The following TEC variants were observed in gnomAD, a reference collection of about 807,000 sequenced individuals.
TEC encodes tec protein tyrosine kinase, also known as tyrosine-protein kinase Tec.
A neutral mutation model predicts 93.0 loss-of-function variants in TEC; 72 were observed. That is an observed-to-expected ratio of 0.77 (90% CI 0.64 to 0.94). The LOEUF (loss-of-function observed/expected upper bound fraction) is 0.94. Ranked by LOEUF, TEC falls within the 40% of genes least tolerant of loss-of-function variation. The pLI, the probability that TEC is intolerant of heterozygous loss-of-function variation, is 0.00. For missense variants in TEC, 630 were observed against 757.9 expected, an observed-to-expected ratio of 0.83 and a Z score of 1.98; for synonymous variants, 249 against 247.7, an observed-to-expected ratio of 1.01 and a Z score of -0.05.
chr4:48,145,453 C>A lies in TEC; in HGVS notation c.1208G>T (p.Gly403Val). The change falls in exon 13 of 18, where the codon GGT becomes GTT. Residue 403 changes from glycine (G) to valine (V), a missense_variant. This residue lies in a region of TEC where 289 missense variants were observed against 390.0 expected (regional missense o/e 0.74). Coordinates refer to ENST00000381501, the MANE Select transcript of TEC (RefSeq NM_003215.3). ...YKVAIKAIREGAMCEEDFIEE... is the reference protein window; with the variant it reads ...YKVAIKAIREVAMCEEDFIEE... ...TATAAAGTCCTCCTCGCACATTGCA[C>A]CTTCCCGAATAGCTTTGATTGCGAC... 1 of 1,614,172 alleles carries A rather than the reference C, an allele frequency of 6.2e-7. No homozygotes were observed. Among genetic ancestry groups the A allele is most frequent in the Non-Finnish European group, 8.5e-7 (1 of 1,180,020 alleles).
intron 1 of TEC, among the ~76,000 whole-genome samples, chr4:48,265,090 GA>G (rs539378945): frequency 4.2e-4 from 64 of 151,974 alleles, no homozygotes; most frequent in African/African-American, 1.5e-3. Context: ...GTGCAGGAAG[GA>G]AAAAAAGTTG....
intron 2 of TEC, among the ~76,000 whole-genome samples, chr4:48,196,849 C>T (rs1327503698): frequency 1.3e-5 from 2 of 152,172 alleles, no homozygotes; most frequent in Non-Finnish European, 2.9e-5. Flanking sequence ...TTTAAAATGA[C>T]GGTTGATGCT....
chr4:48,236,355 C>T (rs556599901), intron 1 of TEC, among the ~76,000 whole-genome samples: 1 of 152,030 alleles, frequency 6.6e-6, no homozygotes, highest in African/African-American at 2.4e-5. Context: ...AATCTCGGCT[C>T]ATGGCAAGCT....
At chr4:48,225,720 CTT>C (rs1192031882) in intron 2 of TEC, among the ~76,000 whole-genome samples, 1 of 143,288 alleles carries the variant, frequency 7.0e-6, no homozygotes, top group Non-Finnish European at 1.5e-5. Context: ...CTTTTTTTTT[CTT>C]TTTTTTTTAC....
intron 2 of TEC, among the ~76,000 whole-genome samples, chr4:48,185,876 G>C (rs137873632): frequency 0.024 from 2,965 of 121,156 alleles, 40 homozygotes; most frequent in Admixed American, 0.033. Context: ...CCCTCTCACC[G>C]GTCTCCCTCT....
At chr4:48,186,708 C>CG (rs1308174050) in intron 2 of TEC, among the ~76,000 whole-genome samples, 4 of 151,852 alleles carry the variant, frequency 2.6e-5, no homozygotes, top group African/African-American at 9.7e-5. Context: ...GCAGCCGCCC[C>CG]GTCCAGGAGG....
In TEC at chr4:48,179,351, TATATATATATATATATATATATA is replaced by T. The variant is rs1560393031; in HGVS notation, c.139-3188_139-3166del. The stretch of plus-strand genomic sequence containing the variant: ...ATGACGTGGGTAGTATATATATATA[TATATATATATATATATATATATA>T]TATTTTTTTTTTTTTTTTTTTTTTT... On this transcript the variant is annotated intron_variant, in intron 2 of 17. Transcript: ENST00000381501. Among the ~76,000 whole-genome samples the T allele has an allele frequency of 7.3e-3, 302 of 41,120 alleles. 8 individuals are homozygous for T. The highest frequency in any genetic ancestry group is 0.013 in the South Asian group (16 of 1,272). 27.0% of individuals were successfully genotyped at this position (41,120 alleles called of 152,430 possible).
At chr4:48,179,292 T>C (rs1721459408) in intron 2 of TEC, among the ~76,000 whole-genome samples, 1 of 144,068 alleles carries the variant, frequency 6.9e-6, no homozygotes, top group African/African-American at 2.6e-5. Context: ...CCAAGTTTAC[T>C]TGTGGAACAG....
At chr4:48,155,333 A>C (rs1720352124) in intron 9 of TEC, among the ~76,000 whole-genome samples, 1 of 152,226 alleles carries the variant, frequency 6.6e-6, no homozygotes, top group Non-Finnish European at 1.5e-5. Flanking sequence ...GCCCAAGCTC[A>C]TAGCGTAGAG....
Position 48,150,948 on chromosome 4 carries a change from A to G in TEC, c.793-6T>C. The G allele has an allele frequency of 6.4e-7, 1 of 1,570,238 alleles. No individual in the cohort carries two copies. ...ATAAAACCACCTTCTTTATCCTAAA[A>G]TCCAAGTTCAGAAAAAATTTTTTTT... On this transcript the variant is annotated splice_region_variant and splice_polypyrimidine_tract_variant and intron_variant, in intron 9 of 17. Coordinates refer to ENST00000381501, the MANE Select transcript of TEC (RefSeq NM_003215.3).
At chr4:48,149,068 C>T (rs1310179225) in intron 11 of TEC, among the ~76,000 whole-genome samples, 1 of 152,158 alleles carries the variant, frequency 6.6e-6, no homozygotes, top group Non-Finnish European at 1.5e-5. Context: ...TTTATCCTGT[C>T]TATCACTGAT....
chr4:48,207,973 C>A (rs1722772253), intron 2 of TEC, among the ~76,000 whole-genome samples: 1 of 151,962 alleles, frequency 6.6e-6, no homozygotes, highest in Non-Finnish European at 1.5e-5. Context: ...GAAAGAAGAC[C>A]AAGGCAAACA....
chr4:48,269,310 A>G (rs1451895013), intron 1 of TEC, among the ~76,000 whole-genome samples: 1 of 152,224 alleles, frequency 6.6e-6, no homozygotes, highest in African/African-American at 2.4e-5. Context: ...TACATTAGGT[A>G]TATCTATCTC....
At chr4:48,155,380 G>T (rs1319405222) in intron 9 of TEC, among the ~76,000 whole-genome samples, 2 of 152,188 alleles carry the variant, frequency 1.3e-5, no homozygotes, top group Non-Finnish European at 2.9e-5. Context: ...TTTTCTACTT[G>T]ATAGTCTTTT....
chr4:48,168,453 G>A (rs1720964869), intron 6 of TEC, 133 bp downstream of exon 6: 1 of 895,558 alleles, frequency 1.1e-6, no homozygotes, highest in Non-Finnish European at 1.7e-6. Context: ...CTGCTTCTGA[G>A]ACGATCCTAG....
intron 1 of TEC, among the ~76,000 whole-genome samples, chr4:48,257,477 C>T (rs1415668087): frequency 1.3e-5 from 2 of 152,152 alleles, no homozygotes; most frequent in African/African-American, 4.8e-5. Context: ...AGGAGCATAC[C>T]TCAGTGAGTA....
At chr4:48,243,021 C>T (rs1259550105) in intron 1 of TEC, among the ~76,000 whole-genome samples, 1 of 152,166 alleles carries the variant, frequency 6.6e-6, no homozygotes. Flanking sequence ...TAGAAACCCA[C>T]TTGTTCCTCA....
chr4:48,176,224 A>G (rs758298484), intron 2 of TEC, 38 bp from the exon 3 acceptor site: 1 of 1,497,906 alleles, frequency 6.7e-7, no homozygotes, highest in African/African-American at 1.4e-5. Flanking sequence ...TAGAATCATA[A>G]GACATAAAAA....
chr4:48,168,745 G>T, intron 5 of TEC, 119 bp from the exon 6 acceptor site: 1 of 970,742 alleles, frequency 1.0e-6, no homozygotes, highest in Non-Finnish European at 1.6e-6. Flanking sequence ...AGCACACTCT[G>T]ACCAACTCTG....
Sources: gnomAD v4.1 joint callset for allele counts (sites outside exome capture counted in the v4.1 genomes callset) on GRCh38, gnomAD v4.1.1 for gene constraint, gnomAD v4.1.1 regional missense constraint, MANE v1.5 for transcripts, NCBI Gene and HGNC (gene_info 2026-07-23, HGNC 2026-07-21) for gene names.